The following CTNNA3 variants were observed in gnomAD, a reference collection of about 807,000 sequenced individuals.
CTNNA3 encodes catenin alpha 3.
Under a neutral mutation model 95.7 loss-of-function variants are expected in CTNNA3, and 76 were observed. The observed-to-expected ratio is 0.79, with a 90% CI of 0.66 to 0.96. The LOEUF (loss-of-function observed/expected upper bound fraction) is 0.96, where lower values mean the gene tolerates loss of function less well. CTNNA3 is among the 40% of genes least tolerant of loss of function. The pLI, the probability that CTNNA3 is intolerant of heterozygous loss-of-function variation, is 0.00. For missense variants in CTNNA3, 1,191 were observed against 1,089.8 expected (o/e 1.09, Z -1.31); for synonymous variants, 431 against 374.4 (o/e 1.15, Z -1.74).
intron 2 of CTNNA3, among the ~76,000 whole-genome samples, chr10:67,621,531 C>T (rs1456456372): frequency 2.0e-5 from 3 of 152,006 alleles, no homozygotes; most frequent in African/African-American, 4.8e-5. Flanking sequence ...AGACGGATCA[C>T]GAGGTCAGGA....
intron 7 of CTNNA3, among the ~76,000 whole-genome samples, chr10:67,145,087 G>A (rs1327085145): frequency 6.6e-6 from 1 of 152,136 alleles, no homozygotes; most frequent in Non-Finnish European, 1.5e-5. Flanking sequence ...AGGAATGGCT[G>A]TTCTCTGGAG....
chr10:66,423,456 T>C (rs2093212982), intron 11 of CTNNA3, among the ~76,000 whole-genome samples: 1 of 152,158 alleles, frequency 6.6e-6, no homozygotes, highest in African/African-American at 2.4e-5. Flanking sequence ...AAAGTTCCCC[T>C]TGATCAAAAA....
intron 6 of CTNNA3, among the ~76,000 whole-genome samples, chr10:67,185,803 C>T (rs1862813657): frequency 6.6e-6 from 1 of 152,002 alleles, no homozygotes; most frequent in African/African-American, 2.4e-5. Context: ...GGGCGGATCA[C>T]AAGGTTAGGA....
At chr10:66,048,981 A>G (rs904762864) in intron 15 of CTNNA3, among the ~76,000 whole-genome samples, 2 of 149,362 alleles carry the variant, frequency 1.3e-5, no homozygotes, top group African/African-American at 2.5e-5. Context: ...GCAAAAAAAA[A>G]CTCTTAACAG....
At chr10:66,025,151 G>T (rs2079309787) in intron 15 of CTNNA3, among the ~76,000 whole-genome samples, 3 of 152,280 alleles carry the variant, frequency 2.0e-5, no homozygotes, top group South Asian at 4.1e-4. Flanking sequence ...ATTTGCATTT[G>T]TCCACCATTG....
At chr10:67,493,811 AAAG>A (rs1247707345) in intron 5 of CTNNA3, among the ~76,000 whole-genome samples, 4 of 152,182 alleles carry the variant, frequency 2.6e-5, no homozygotes, top group African/African-American at 9.7e-5. Context: ...AGCATGAGGA[AAAG>A]AAGAAAGACA....
At chr10:66,620,147 G>A (rs1217125575) in intron 10 of CTNNA3, among the ~76,000 whole-genome samples, 1 of 152,096 alleles carries the variant, frequency 6.6e-6, no homozygotes, top group Non-Finnish European at 1.5e-5. Context: ...TTTGTTGATA[G>A]AATGTCTTAA....
At chr10:66,070,159 T>C (rs907889863) in intron 14 of CTNNA3, among the ~76,000 whole-genome samples, 1 of 152,122 alleles carries the variant, frequency 6.6e-6, no homozygotes, top group East Asian at 1.9e-4. Flanking sequence ...CAAGACTAAG[T>C]TTTTAACTGA....
At chr10:66,360,640 T>TTCC (rs1564896032) in intron 12 of CTNNA3, among the ~76,000 whole-genome samples, 7 of 54,394 alleles carry the variant, frequency 1.3e-4, no homozygotes, top group African/African-American at 7.0e-5. Context: ...TCTTTCTTTC[T>TTCC]TTCTTTCTTT....
intron 14 of CTNNA3, among the ~76,000 whole-genome samples, chr10:66,091,650 A>G (rs71493962): frequency 1.1e-3 from 161 of 152,068 alleles, no homozygotes; most frequent in Non-Finnish European, 1.3e-3. Context: ...GGAAAAAAGT[A>G]AAGAAAAAAT....
chr10:66,436,645 A>G (rs12264327), intron 11 of CTNNA3, among the ~76,000 whole-genome samples: 17,788 of 151,456 alleles, frequency 0.12, 1,508 homozygotes, highest in African/African-American at 0.24. Context: ...TCTTTATCCA[A>G]TTTGTCAGTC....
chr10:67,646,360 G>A (rs764811931), intron 2 of CTNNA3, among the ~76,000 whole-genome samples: 8 of 150,610 alleles, frequency 5.3e-5, no homozygotes, highest in Non-Finnish European at 8.9e-5. Context: ...TGGCTAAGAC[G>A]GACTTTAATG....
At chr10:66,355,424 C>T (rs920905672) in intron 12 of CTNNA3, among the ~76,000 whole-genome samples, 38 of 152,044 alleles carry the variant, frequency 2.5e-4, no homozygotes, top group Non-Finnish European at 5.9e-5. Flanking sequence ...GCAGTACCTT[C>T]GATACATTAT....
At chr10:66,399,401 T>C (rs1305852027) in intron 11 of CTNNA3, among the ~76,000 whole-genome samples, 1 of 151,930 alleles carries the variant, frequency 6.6e-6, no homozygotes, top group East Asian at 1.9e-4. Flanking sequence ...ACAAGAGATA[T>C]ATAATATTAT....
intron 7 of CTNNA3, among the ~76,000 whole-genome samples, chr10:66,829,807 A>G (rs1564709661): frequency 1.3e-5 from 2 of 151,926 alleles, no homozygotes; most frequent in Non-Finnish European, 2.9e-5. Flanking sequence ...ATCAGAAACT[A>G]TGAGGATAGG....
intron 12 of CTNNA3, among the ~76,000 whole-genome samples, chr10:66,358,191 T>C (rs1384235929): frequency 6.6e-6 from 1 of 152,174 alleles, no homozygotes; most frequent in Non-Finnish European, 1.5e-5. Flanking sequence ...GACTTCATTT[T>C]CAAAGGCTAG....
chr10:67,462,193 A>G (rs1219594871), intron 5 of CTNNA3, among the ~76,000 whole-genome samples: 4 of 152,068 alleles, frequency 2.6e-5, no homozygotes, highest in African/African-American at 9.7e-5. Context: ...TGTTCCCTCA[A>G]TTCCAAGTGA....
chr10:66,888,563 C>A lies in CTNNA3; in HGVS notation c.1048-113039G>T, dbSNP rs1845137721. Among the ~76,000 whole-genome samples the A allele has an allele frequency of 3.4e-5, 5 of 148,862 alleles. 1 individual carries two copies. In the South Asian group the frequency reaches 1.1e-3, roughly 31 times the overall value. ...TAGTTTTTCATTTTTTTTTTTTAAGCAATGGGGAAAAAATAACAAATATTA... is the reference window on the plus strand; with the variant it reads ...TAGTTTTTCATTTTTTTTTTTTAAGAAATGGGGAAAAAATAACAAATATTA... On this transcript the variant is annotated intron_variant, in intron 7 of 17. Transcript: ENST00000433211.
At chr10:66,065,818 G>A (rs902328391) in intron 15 of CTNNA3, among the ~76,000 whole-genome samples, 1 of 151,930 alleles carries the variant, frequency 6.6e-6, no homozygotes, top group African/African-American at 2.4e-5. Flanking sequence ...GAAAGCTTAA[G>A]AGTCTTCTCA....
Sources: gnomAD v4.1 joint callset for allele counts (sites outside exome capture counted in the v4.1 genomes callset) on GRCh38, gnomAD v4.1.1 for gene constraint, MANE v1.5 for transcripts, NCBI Gene and HGNC (gene_info 2026-07-23, HGNC 2026-07-21) for gene names.